NIBAN1: variants seen among roughly 807,000 people sequenced by gnomAD.
NIBAN1 encodes the protein niban apoptosis regulator 1.
A neutral mutation model predicts 75.1 loss-of-function variants in NIBAN1; 81 were observed. The observed-to-expected ratio is 1.08, with a 90% CI of 0.90 to 1.30. NIBAN1 has a LOEUF of 1.30. Ranked by LOEUF, NIBAN1 falls within the 50% of genes most tolerant of loss-of-function variation. The probability of loss-of-function intolerance (pLI) is 0.00; values close to 1 mark genes in which losing one functional copy is unlikely to be tolerated. For synonymous variants in NIBAN1, 436 were observed against 424.8 expected (o/e 1.03, Z -0.32); for missense variants, 1,133 against 1,128.1 (o/e 1.00, Z -0.06).
intron 10 of NIBAN1, among the ~76,000 whole-genome samples, 153 bp from the exon 11 acceptor site, chr1:184,806,209 A>C (rs1329291616): frequency 2.0e-5 from 3 of 152,150 alleles, no homozygotes; most frequent in African/African-American, 7.2e-5. Flanking sequence ...ACATCACCCC[A>C]TCACCAGGGC....
intron 1 of NIBAN1, among the ~76,000 whole-genome samples, chr1:184,971,501 C>G (rs1348052801): frequency 6.6e-6 from 1 of 151,994 alleles, no homozygotes; most frequent in Non-Finnish European, 1.5e-5. Flanking sequence ...GAAACCCCGT[C>G]TCTACTAAAA....
intron 6 of NIBAN1, among the ~76,000 whole-genome samples, chr1:184,827,245 T>C (rs1403030475): frequency 1.3e-5 from 2 of 151,466 alleles, no homozygotes; most frequent in African/African-American, 2.4e-5. Flanking sequence ...GGAGTGGGGC[T>C]CAGGGAATAG....
intron 1 of NIBAN1, among the ~76,000 whole-genome samples, chr1:184,920,134 G>A (rs1176087264): frequency 6.6e-6 from 1 of 152,170 alleles, no homozygotes; most frequent in Admixed American, 6.5e-5. Flanking sequence ...TACAAGACGT[G>A]TAAAAATGGA....
intron 6 of NIBAN1, among the ~76,000 whole-genome samples, chr1:184,828,967 G>T (rs181962410): frequency 6.6e-6 from 1 of 152,120 alleles, no homozygotes; most frequent in African/African-American, 2.4e-5. Flanking sequence ...CAGCTAATTT[G>T]TACAAAACTT....
intron 3 of NIBAN1, among the ~76,000 whole-genome samples, chr1:184,891,852 T>C (rs1656675137): frequency 6.6e-6 from 1 of 152,198 alleles, no homozygotes; most frequent in African/African-American, 2.4e-5. Flanking sequence ...GAAGATATTA[T>C]TAAAACTTCA....
intron 2 of NIBAN1, among the ~76,000 whole-genome samples, chr1:184,896,456 G>A (rs1182037823): frequency 6.6e-6 from 1 of 151,790 alleles, no homozygotes; most frequent in Non-Finnish European, 1.5e-5. Context: ...CCTTTGTTAG[G>A]GGCATAATTT....
At chr1:184,803,037 A>T (rs1190706121) in intron 12 of NIBAN1, among the ~76,000 whole-genome samples, 1 of 152,204 alleles carries the variant, frequency 6.6e-6, no homozygotes, top group African/African-American at 2.4e-5. Flanking sequence ...CACCCTCGCA[A>T]TCATGGTTCT....
rs757538511 is a variant in NIBAN1, at chr1:184,795,616, C to A, written c.2148G>T (p.Leu716=). 1.9e-6 allele frequency: 3 copies of A among 1,614,222 alleles called. No individual in the cohort carries two copies. The highest frequency in any genetic ancestry group is 2.5e-6 in the Non-Finnish European group (3 of 1,180,048). The change falls in exon 14 of 14, where the codon CTG becomes CTT. Residue 716 remains leucine, a synonymous_variant. Transcript: ENST00000367511. ...SGSLKALRKL[L]TASVEVPVDS... Reference sequence around the variant, plus strand: ...CCACTGGTACTTCCACGGACGCTGTCAGCAACTTTCTGAGCGCCTTCAAAG... The same window carrying A: ...CCACTGGTACTTCCACGGACGCTGTAAGCAACTTTCTGAGCGCCTTCAAAG...
intron 5 of NIBAN1, among the ~76,000 whole-genome samples, chr1:184,854,811 A>T (rs113872455): frequency 1.3e-5 from 2 of 152,344 alleles, no homozygotes; most frequent in African/African-American, 4.8e-5. Context: ...AGACAATCTC[A>T]ATAGTGGGTA....
intron 5 of NIBAN1, chr1:184,868,509 G>C (rs1404785028): frequency 6.6e-6 from 1 of 152,154 alleles, no homozygotes; most frequent in African/African-American, 2.4e-5. Flanking sequence ...AACATTTATA[G>C]AGTACACAGT....
intron 5 of NIBAN1, among the ~76,000 whole-genome samples, chr1:184,870,044 G>A (rs549488187): frequency 7.2e-4 from 110 of 152,286 alleles, no homozygotes; most frequent in Middle Eastern, 3.4e-3. Context: ...TAAAATGTAC[G>A]TTTCTGGGCT....
chr1:184,819,012 C>A (rs759084720), intron 8 of NIBAN1, among the ~76,000 whole-genome samples, 187 bp from the exon 9 acceptor site: 5 of 152,118 alleles, frequency 3.3e-5, no homozygotes, highest in African/African-American at 1.2e-4. Flanking sequence ...ACCACTGGAC[C>A]CTTTCAGAAC....
intron 5 of NIBAN1, among the ~76,000 whole-genome samples, chr1:184,846,294 C>T (rs1655442004): frequency 6.0e-5 from 1 of 16,654 alleles, no homozygotes; most frequent in African/African-American, 3.9e-4. Flanking sequence ...GGCAGACTGC[C>T]TCCTCAAGTG....
intron 1 of NIBAN1, among the ~76,000 whole-genome samples, chr1:184,938,863 C>T (rs1354495726): frequency 6.6e-6 from 1 of 152,178 alleles, no homozygotes; most frequent in Non-Finnish European, 1.5e-5. Context: ...ATTACTAGGG[C>T]TTGCTCCAGT....
Position 184,795,001 on chromosome 1 carries a change from G to T in NIBAN1, c.2763C>A (p.Phe921Leu). ...VKEGEGGQES[F>L]PELPSEE ...TTCACTCCTCTGAGGGCAGCTCTGG[G>T]AAACTCTCCTGACCACCTTCTCCCT... is the stretch of plus-strand genomic sequence containing the variant. The change falls in exon 14 of 14, where the codon TTC (phenylalanine) becomes TTA (leucine). Residue 921 changes from phenylalanine to leucine, a missense_variant. Transcript: ENST00000367511. 6.2e-7 allele frequency: 1 copy of T among 1,611,664 alleles called. No homozygotes were observed.
At chr1:184,858,875 G>A (rs1262002711) in intron 5 of NIBAN1, among the ~76,000 whole-genome samples, 1 of 151,940 alleles carries the variant, frequency 6.6e-6, no homozygotes, top group African/African-American at 2.4e-5. Flanking sequence ...AGTATCAATT[G>A]ACTTGGAGGG....
At chr1:184,958,519 C>A (rs1312053849) in intron 1 of NIBAN1, among the ~76,000 whole-genome samples, 1 of 152,172 alleles carries the variant, frequency 6.6e-6, no homozygotes, top group African/African-American at 2.4e-5. Context: ...CGCTGATACT[C>A]CTTTTCATTA....
chr1:184,791,175 T>C lies in NIBAN1; in HGVS notation c.*3802A>G, dbSNP rs570197022. 1.2e-5 allele frequency: 5 copies of C among 411,144 alleles called. No homozygotes were observed. The highest frequency in any genetic ancestry group is 1.4e-4 in the East Asian group (2 of 13,818). 25.5% of individuals were successfully genotyped at this position (411,144 alleles called of 1,614,324 possible). A position where few individuals can be genotyped will look rare whatever the true frequency, so the allele number is the denominator to read the frequency against. On this transcript the variant is annotated 3_prime_UTR_variant, in exon 14 of 14. Coordinates refer to ENST00000367511, the MANE Select transcript of NIBAN1 (RefSeq NM_052966.4). ...TTTTTTTTCTTGAAGTTGCAGACTT[T>C]AGAAGGCAAACCCTCAAACCCGTCT...
intron 1 of NIBAN1, among the ~76,000 whole-genome samples, chr1:184,961,057 CTTTTTTTTTTTTTTTTTT>C (rs1168955438): frequency 1.7e-5 from 1 of 57,810 alleles, no homozygotes; most frequent in Non-Finnish European, 3.1e-5. Flanking sequence ...ATATGCCGTT[CTTTTTTTTTTTTTTTTTT>C]TTTTTTTTTT....
Sources: allele counts gnomAD v4.1 joint callset (sites outside exome capture counted in the v4.1 genomes callset), GRCh38; gene constraint gnomAD v4.1.1; transcripts MANE v1.5; gene names NCBI Gene and HGNC (gene_info 2026-07-23, HGNC 2026-07-21).